The following ANK2 variants were observed in gnomAD, a reference collection of about 807,000 sequenced individuals.
ANK2 encodes ankyrin-2.
Under a neutral mutation model 360.5 loss-of-function variants are expected in ANK2, and 83 were observed. The observed-to-expected ratio is 0.23, with a 90% CI of 0.19 to 0.28. ANK2 has a LOEUF of 0.28. Ranked by LOEUF, ANK2 falls within the 10% of genes least tolerant of loss-of-function variation. ANK2 has a pLI of 1.00. For synonymous variants in ANK2, 1,740 were observed against 1,759.5 expected, an observed-to-expected ratio of 0.99 and a Z score of 0.28; for missense variants, 4,201 against 4,795.7, an observed-to-expected ratio of 0.88 and a Z score of 3.66.
chr4:113,313,266 T>C (rs1164063663), intron 24 of ANK2, among the ~76,000 whole-genome samples: 1 of 152,216 alleles, frequency 6.6e-6, no homozygotes, highest in Non-Finnish European at 1.5e-5. Flanking sequence ...ATGAACAGTC[T>C]TATTACTGTC....
rs986220923 is a variant in ANK2 at position 113,049,668 on chromosome 4, A to T, written c.-61A>T. 3.4e-5 allele frequency: 52 copies of T among 1,515,008 alleles called. 1 individual carries two copies. The highest frequency in any genetic ancestry group is 1.1e-4 in the Admixed American group (6 of 55,516). The allele number at this position is 1,515,008 out of a possible 1,614,324, so 93.8% of individuals were successfully genotyped here. ...TTCCTCCAGTAAGTGCATACCCGCT[A>T]GTGGTCTGTACAGGCGGCACGGTTT... On this transcript the variant is annotated 5_prime_UTR_variant, in exon 1 of 46. Transcript: ENST00000357077.
In ANK2 at chr4:113,363,339, A is replaced by G. The variant is rs1317645663; in HGVS notation, c.10758A>G (p.Glu3586=). The G allele has an allele frequency of 2.5e-6, 4 of 1,612,902 alleles. No individual in the cohort carries two copies. In the South Asian group the frequency reaches 4.4e-5, roughly 18 times the overall value. Residue 3586 remains glutamate, a splice_region_variant and synonymous_variant, in exon 40 of 46, where the codon GAA becomes GAG. Coordinates refer to ENST00000357077, the MANE Select transcript of ANK2 (RefSeq NM_001148.6). ...ACAAAGTAGTATTTTATCTTCTAGA[A>G]TTAGCAAGAGAACTGGATTTCACTG... ...IADHLGFSWT[E]LARELDFTEE...
At chr4:113,027,320 T>G (rs1015661298) in intron 2 of ANK2, among the ~76,000 whole-genome samples, 6 of 152,170 alleles carry the variant, frequency 3.9e-5, no homozygotes, top group African/African-American at 1.4e-4. Flanking sequence ...CTATCTCTCC[T>G]GTGTCTGAAA....
At chr4:113,141,230 C>T (rs2096624644) in intron 1 of ANK2, 1 of 152,164 alleles carries the variant, frequency 6.6e-6, no homozygotes, top group Non-Finnish European at 1.5e-5. Flanking sequence ...TGAAAAAGAG[C>T]TCCTGGATAT....
chr4:113,356,953 G>A lies in ANK2; in HGVS notation c.8335G>A (p.Ala2779Thr), dbSNP rs2095823157. The change falls in exon 38 of 46, where the codon GCC becomes ACC. Residue 2779 changes from alanine (A) to threonine (T), a missense_variant. Transcript: ENST00000357077. ...PKICDGHGCEAMSPSSSAAPV... is the reference protein window; with the variant it reads ...PKICDGHGCETMSPSSSAAPV... Reference sequence around the variant, plus strand: ...AATCTGTGATGGCCATGGATGTGAGGCCATGAGTCCTAGCAGCTCAGCTGC... The same window carrying A: ...AATCTGTGATGGCCATGGATGTGAGACCATGAGTCCTAGCAGCTCAGCTGC... The A allele has an allele frequency of 6.2e-7, 1 of 1,613,950 alleles. No homozygotes were observed. The highest frequency in any genetic ancestry group is 1.3e-5 in the African/African-American group (1 of 74,908).
At chr4:113,159,486 C>T (rs545372790) in intron 1 of ANK2, among the ~76,000 whole-genome samples, 2 of 152,026 alleles carry the variant, frequency 1.3e-5, no homozygotes, top group Non-Finnish European at 2.9e-5. Flanking sequence ...TTAAAAAATA[C>T]TGAGTAGTCA....
intron 1 of ANK2, among the ~76,000 whole-genome samples, chr4:113,050,269 T>A (rs753864082): frequency 3.9e-5 from 6 of 152,230 alleles, no homozygotes; most frequent in Non-Finnish European, 8.8e-5. Context: ...TCATGCTAAG[T>A]GTATTCCTCC....
At chr4:113,281,913 T>G (rs2062555725) in intron 17 of ANK2, among the ~76,000 whole-genome samples, 1 of 152,134 alleles carries the variant, frequency 6.6e-6, no homozygotes, top group African/African-American at 2.4e-5. Flanking sequence ...GACCACAAGA[T>G]TCATATAAGC....
In ANK2 at chr4:113,319,268, A is replaced by G. The variant is rs59967326; in HGVS notation, c.2900+648A>G. ...TTGAGTCATACTTTCAAACATACTT[A>G]AAGTTGTTCTTAAGGTGTTCAGTTA... On this transcript the variant is annotated intron_variant, in intron 26 of 45. Transcript: ENST00000357077. 6.8e-3 allele frequency among the ~76,000 whole-genome samples: 1,031 copies of G among 152,202 alleles called. 7 individuals are homozygous for G. The highest frequency in any genetic ancestry group is 0.024 in the African/African-American group (984 of 41,574).
chr4:113,060,444 G>C (rs2072629961), intron 1 of ANK2, among the ~76,000 whole-genome samples: 2 of 151,952 alleles, frequency 1.3e-5, no homozygotes, highest in South Asian at 4.1e-4. Flanking sequence ...CTGATGTCCA[G>C]ATGGGTTTAA....
chr4:112,743,554 C>CTTTTT, the ANK2 span, among the ~76,000 whole-genome samples: 4 of 105,872 alleles, frequency 3.8e-5, no homozygotes, highest in African/African-American at 3.7e-5. Context: ...CTTTTCTATC[C>CTTTTT]TTTTTTTTTT....
At chr4:113,105,127 G>A (rs1055792365) in intron 1 of ANK2, among the ~76,000 whole-genome samples, 7 of 152,168 alleles carry the variant, frequency 4.6e-5, no homozygotes, top group Non-Finnish European at 7.4e-5. Flanking sequence ...GTAAAATTAT[G>A]AGCAGTTGGT....
intron 14 of ANK2, among the ~76,000 whole-genome samples, chr4:113,269,854 T>G (rs2153672401): frequency 6.6e-6 from 1 of 152,362 alleles, no homozygotes; most frequent in East Asian, 1.9e-4. Context: ...CATTTTCTTG[T>G]AACAGGTTCC....
At chr4:113,068,639 C>T (rs1169120334) in intron 1 of ANK2, among the ~76,000 whole-genome samples, 1 of 152,036 alleles carries the variant, frequency 6.6e-6, no homozygotes, top group East Asian at 1.9e-4. Context: ...TGTATGTTTG[C>T]ATTACAGAGA....
At chr4:113,051,202 CAA>C (rs887364713) in intron 1 of ANK2, among the ~76,000 whole-genome samples, 15 of 152,026 alleles carry the variant, frequency 9.9e-5, no homozygotes, top group East Asian at 1.9e-4. Flanking sequence ...CGCGAGCAAG[CAA>C]GAGAGAGGGA....
chr4:113,066,821 G>C (rs771443745), intron 1 of ANK2, among the ~76,000 whole-genome samples: 2 of 152,136 alleles, frequency 1.3e-5, no homozygotes, highest in African/African-American at 4.8e-5. Flanking sequence ...CTTTGGGCAA[G>C]TAACTGAGCT....
chr4:112,780,415 C>T, the ANK2 span, among the ~76,000 whole-genome samples: 26 of 151,972 alleles, frequency 1.7e-4, no homozygotes, highest in Non-Finnish European at 5.9e-5. Context: ...ACCTAAGTAA[C>T]AAAGACACAG....
At chr4:112,762,719 A>T in the ANK2 span, among the ~76,000 whole-genome samples, 1 of 152,204 alleles carries the variant, frequency 6.6e-6, no homozygotes, top group Non-Finnish European at 1.5e-5. Flanking sequence ...CACGTTGGCC[A>T]GGCTGGTCTG....
At chr4:112,872,566 A>G (rs1014847337) in intron 1 of ANK2, among the ~76,000 whole-genome samples, 1 of 151,892 alleles carries the variant, frequency 6.6e-6, no homozygotes, top group Non-Finnish European at 1.5e-5. Flanking sequence ...CGAACCCCCA[A>G]CCTCAGGTGA....
Sources: allele counts gnomAD v4.1 joint callset (sites outside exome capture counted in the v4.1 genomes callset), GRCh38; gene constraint gnomAD v4.1.1; transcripts MANE v1.5; gene names NCBI Gene and HGNC (gene_info 2026-07-23, HGNC 2026-07-21).